The following STAB2 variants were observed in gnomAD, a reference collection of about 807,000 sequenced individuals.
STAB2 encodes the protein stabilin 2, also known as stabilin-2.
In STAB2, 288 loss-of-function variants were observed where a neutral mutation model predicts 338.1. That is an observed-to-expected ratio of 0.85 (90% CI 0.77 to 0.94). The LOEUF (loss-of-function observed/expected upper bound fraction) is 0.94. Ranked by LOEUF, STAB2 falls within the 40% of genes least tolerant of loss-of-function variation. The probability of loss-of-function intolerance (pLI) is 0.00; values close to 1 mark genes in which losing one functional copy is unlikely to be tolerated. For synonymous variants in STAB2, 1,202 were observed against 1,193.3 expected (o/e 1.01, Z -0.15); for missense variants, 3,141 against 3,210.1 (o/e 0.98, Z 0.52).
At chr12:103,743,075 T>C (rs1430601439) in intron 56 of STAB2, among the ~76,000 whole-genome samples, 2 of 146,014 alleles carry the variant, frequency 1.4e-5, no homozygotes. Flanking sequence ...CAGGCTGGAG[T>C]GCAATGGCGC....
rs1231359893 is a variant in STAB2 at position 103,683,205 on chromosome 12, A to G, written c.2806A>G (p.Asn936Asp). The G allele has an allele frequency of 6.2e-7, 1 of 1,612,190 alleles. No homozygotes were observed. The part of the protein sequence containing the change: ...ASCLYVGPGQ[N>D]ECECKKGFRG... ...CTTGACTCTGTTCTTAAAATTATAG[A>G]ATGAGTGTGAGTGCAAGAAAGGATT... Residue 936 changes from asparagine (N) to aspartate (D), a missense_variant and splice_region_variant, in exon 26 of 69, where the codon AAT (asparagine) becomes GAT (aspartate). Asn to Asp is a conservative substitution (Grantham distance 23). Coordinates refer to ENST00000388887, the MANE Select transcript of STAB2 (RefSeq NM_017564.10).
intron 5 of STAB2, among the ~76,000 whole-genome samples, chr12:103,627,918 T>A (rs532348556): frequency 5.9e-5 from 9 of 152,334 alleles, no homozygotes; most frequent in Non-Finnish European, 1.3e-4. Context: ...ACTTTAGATA[T>A]TATCAATTAC....
chr12:103,682,149 TGATGGGAAGATGGGAA>T (rs112020995), intron 25 of STAB2, among the ~76,000 whole-genome samples: 1 of 151,366 alleles, frequency 6.6e-6, no homozygotes, highest in Non-Finnish European at 1.5e-5. Flanking sequence ...AAAAACATCC[TGATGGGAAGATGGGAA>T]GATGGGAAAA....
intron 2 of STAB2, 46 bp from the exon 3 acceptor site, chr12:103,594,349 T>A: frequency 7.2e-7 from 1 of 1,396,040 alleles, no homozygotes; most frequent in Non-Finnish European, 1.0e-6. Flanking sequence ...CTAGAGTAAC[T>A]GCATTGCTCT....
Position 103,638,203 on chromosome 12 carries a change from G to C in STAB2, c.897G>C (p.Gly299=). The change falls in exon 8 of 69, where the codon GGG becomes GGC. Residue 299 remains glycine, a synonymous_variant. Transcript: ENST00000388887. The part of the protein sequence containing the change: ...PTKSTVCKYD[G]PGQSHCECKE... ...AGTCTACAGTGTGCAAATATGATGGGCCTGGACAGGTGAGCAAATGATGCA... is the reference window on the plus strand; with the variant it reads ...AGTCTACAGTGTGCAAATATGATGGCCCTGGACAGGTGAGCAAATGATGCA... 6.2e-7 allele frequency: 1 copy of C among 1,613,610 alleles called. No individual in the cohort carries two copies. Among genetic ancestry groups the C allele is most frequent in the Non-Finnish European group, 8.5e-7 (1 of 1,179,652 alleles).
intron 18 of STAB2, among the ~76,000 whole-genome samples, chr12:103,665,336 G>C (rs1373226077): frequency 6.6e-6 from 1 of 152,158 alleles, no homozygotes; most frequent in African/African-American, 2.4e-5. Context: ...TAACAACACT[G>C]TACTAGTTAT....
chr12:103,640,292 G>T (rs573879048), intron 9 of STAB2, 36 bp downstream of exon 9: 2 of 1,593,462 alleles, frequency 1.3e-6, no homozygotes, highest in South Asian at 2.2e-5. Context: ...ACATTTCCAA[G>T]TGGTGAAAAT....
At chr12:103,755,870 C>T in intron 63 of STAB2, 152 bp downstream of exon 63, 2 of 682,074 alleles carry the variant, frequency 2.9e-6, no homozygotes, top group African/African-American at 3.6e-5. Flanking sequence ...CTAGTTTTGC[C>T]ACTCACTTGT....
chr12:103,715,360 A>G (rs1382236381), intron 42 of STAB2, among the ~76,000 whole-genome samples: 1 of 152,100 alleles, frequency 6.6e-6, no homozygotes, highest in Non-Finnish European at 1.5e-5. Flanking sequence ...GACACACTTT[A>G]ACACCAAGCA....
chr12:103,712,331 T>C (rs1400407578), intron 40 of STAB2, 36 bp from the exon 41 acceptor site: 1 of 1,561,326 alleles, frequency 6.4e-7, no homozygotes, highest in Non-Finnish European at 8.8e-7. Context: ...GGTGGAGTAT[T>C]TTTCTACAAA....
chr12:103,749,702 TG>T (rs1474532563), intron 59 of STAB2, among the ~76,000 whole-genome samples: 1 of 149,640 alleles, frequency 6.7e-6, no homozygotes, highest in Non-Finnish European at 1.5e-5. Context: ...TAGCCGGGCA[TG>T]GTGGCGGGCA....
At chr12:103,652,844 T>G in intron 12 of STAB2, 139 bp downstream of exon 12, 2 of 991,904 alleles carry the variant, frequency 2.0e-6, no homozygotes, top group Non-Finnish European at 2.8e-6. Context: ...GTCAAACACC[T>G]TATATAGGAA....
At position 103,763,574 on chromosome 12, in the gene STAB2, C is replaced by T; in HGVS notation, c.7571C>T (p.Ser2524Leu). The T allele has an allele frequency of 6.2e-7, 1 of 1,614,112 alleles. No homozygotes were observed. The highest frequency in any genetic ancestry group is 1.1e-5 in the South Asian group (1 of 91,074). The change falls in exon 68 of 69, where the codon TCA (serine) becomes TTA (leucine). Residue 2524 changes from serine to leucine, a missense_variant. Physicochemically the swap from Ser to Leu is moderately radical, Grantham distance 145. Transcript: ENST00000388887. Reference sequence around the variant, plus strand: ...AACCCCTTGTATGAGAGCACAACCTCAGCTCCCCCAGAACCTTCCTACGAC... The same window carrying T: ...AACCCCTTGTATGAGAGCACAACCTTAGCTCCCCCAGAACCTTCCTACGAC... ...ISNPLYESTT[S>L]APPEPSYDPF...
intron 51 of STAB2, among the ~76,000 whole-genome samples, chr12:103,733,665 A>G (rs1271768376): frequency 1.3e-5 from 2 of 152,234 alleles, no homozygotes; most frequent in Non-Finnish European, 2.9e-5. Flanking sequence ...ATATAGGAAC[A>G]TGCATGATCA....
intron 25 of STAB2, among the ~76,000 whole-genome samples, chr12:103,679,245 G>A (rs1876676016): frequency 6.6e-6 from 1 of 152,104 alleles, no homozygotes; most frequent in African/African-American, 2.4e-5. Context: ...GTGCATGCCT[G>A]TAATCCCAGC....
chr12:103,734,972 C>T (rs1881993131), intron 51 of STAB2, among the ~76,000 whole-genome samples: 1 of 152,152 alleles, frequency 6.6e-6, no homozygotes, highest in Non-Finnish European at 1.5e-5. Flanking sequence ...TAGCATTTGC[C>T]TCTTCTTTCT....
At chr12:103,660,296 T>G (rs1275893478) in intron 15 of STAB2, 35 bp from the exon 16 acceptor site, 1 of 1,609,250 alleles carries the variant, frequency 6.2e-7, no homozygotes, top group Non-Finnish European at 8.5e-7. Context: ...TTGCATTTTC[T>G]TCTTTGACTA....
In STAB2 at chr12:103,726,004, G is replaced by A. The variant is rs182975860; in HGVS notation, c.4804-112G>A. 2.2e-4 allele frequency: 250 copies of A among 1,124,348 alleles called. 1 individual carries two copies. The African/African-American group carries it at 2.9e-3, about 13-fold the overall frequency. 69.6% of individuals were successfully genotyped at this position (1,124,348 alleles called of 1,614,324 possible). A position where few individuals can be genotyped will look rare whatever the true frequency, so the allele number is the denominator to read the frequency against. Reference sequence around the variant, plus strand: ...TACAGATGAAGCTCCAAAAAGGCCCGGTGTTACAGATTTCCAGCTGAAGGG... The same window carrying A: ...TACAGATGAAGCTCCAAAAAGGCCCAGTGTTACAGATTTCCAGCTGAAGGG... On this transcript the variant is annotated intron_variant, in intron 45 of 68. Coordinates refer to ENST00000388887, the MANE Select transcript of STAB2 (RefSeq NM_017564.10).
intron 25 of STAB2, among the ~76,000 whole-genome samples, chr12:103,681,970 C>T (rs900450286): frequency 6.6e-6 from 1 of 152,084 alleles, no homozygotes; most frequent in Non-Finnish European, 1.5e-5. Flanking sequence ...CTAATTATAT[C>T]GTATCAACCC....
Sources: gnomAD v4.1 joint callset for allele counts (sites outside exome capture counted in the v4.1 genomes callset) on GRCh38, gnomAD v4.1.1 for gene constraint, MANE v1.5 for transcripts, NCBI Gene and HGNC (gene_info 2026-07-23, HGNC 2026-07-21) for gene names.